The following LILRB1 variants were observed in gnomAD, a reference collection of about 807,000 sequenced individuals.
LILRB1 encodes the protein leukocyte immunoglobulin-like receptor subfamily B member 1.
LILRB1 carries 59 observed loss-of-function variants against 74.6 expected under a neutral mutation model. The ratio of observed to expected loss-of-function variants is 0.79; its 90% CI spans 0.64 to 0.98. LILRB1 has a LOEUF of 0.98. Among genes scored for constraint, LILRB1 ranks in the 50% least tolerant of loss-of-function variants. The pLI is 0.00. For missense variants in LILRB1, 804 were observed against 822.6 expected, an observed-to-expected ratio of 0.98 and a Z score of 0.28; for synonymous variants, 328 against 333.9, an observed-to-expected ratio of 0.98 and a Z score of 0.19.
chr19:54,632,964 G>A (rs374550771), intron 6 of LILRB1, 52 bp from the exon 7 acceptor site: 6 of 1,571,916 alleles, frequency 3.8e-6, no homozygotes, highest in Non-Finnish European at 4.3e-6. Flanking sequence ...CTGGGGAGGT[G>A]TCAGCTCAGA....
rs370415736 is a variant in LILRB1 at position 54,635,514 on chromosome 19, G to A, written c.1601-43G>A. 218 of 1,590,704 alleles carry A rather than the reference G, an allele frequency of 1.4e-4. No individual in the cohort carries two copies. The African/African-American group carries it at 2.5e-3, about 19-fold the overall frequency. The stretch of plus-strand genomic sequence containing the variant: ...GGGCTGGCAGGACTCAGAGGTCCCA[G>A]GGAACCTTCCCAAGAGACAAACCCC... On this transcript the variant is annotated intron_variant, in intron 12 of 14. Transcript: ENST00000324602.
chr19:54,623,514 A>G (rs188393817), intron 1 of LILRB1, among the ~76,000 whole-genome samples: 460 of 152,264 alleles, frequency 3.0e-3, no homozygotes, highest in Middle Eastern at 0.02. Context: ...TGTCAACTTT[A>G]TCATTTCTGA....
chr19:54,620,956 T>C lies in LILRB1; in HGVS notation c.-166+3607T>C, dbSNP rs1428304377. 2.0e-5 allele frequency among the ~76,000 whole-genome samples: 3 copies of C among 152,292 alleles called. No individual in the cohort carries two copies. In the East Asian group the frequency reaches 5.8e-4, roughly 29 times the overall value. On this transcript the variant is annotated intron_variant, in intron 1 of 15. Coordinates refer to the LILRB1 transcript ENST00000396331. ...GGTGCCATCTCTGCTCACTGCAACCTCCGGCTCCTGGGTTCAAGCGATTCT... is the reference window on the plus strand; with the variant it reads ...GGTGCCATCTCTGCTCACTGCAACCCCCGGCTCCTGGGTTCAAGCGATTCT...
chr19:54,631,415 C>G, intron 3 of LILRB1, 85 bp from the exon 4 acceptor site: 1 of 1,564,724 alleles, frequency 6.4e-7, no homozygotes, highest in Non-Finnish European at 8.8e-7. Flanking sequence ...CTGATGGGGG[C>G]GTCTGGAGGG....
upstream of LILRB1, among the ~76,000 whole-genome samples, chr19:54,625,623 C>G (rs1444637678): frequency 6.6e-6 from 1 of 152,172 alleles, no homozygotes; most frequent in Non-Finnish European, 1.5e-5. Context: ...CACCCCTTCC[C>G]CGTGTTAGGG....
upstream of LILRB1, among the ~76,000 whole-genome samples, chr19:54,628,706 G>A (rs1158012518): frequency 3.3e-5 from 5 of 151,988 alleles, no homozygotes; most frequent in Admixed American, 6.6e-5. Context: ...AGAAACCCAC[G>A]AAACCCAGTC....
chr19:54,634,204 C>G, intron 9 of LILRB1, 183 bp downstream of exon 9: 1 of 1,499,310 alleles, frequency 6.7e-7, no homozygotes, highest in Non-Finnish European at 8.9e-7. Context: ...TCAGCTCTGA[C>G]TCCCAGCTGT....
chr19:54,631,459 G>A, intron 3 of LILRB1, 41 bp from the exon 4 acceptor site: 4 of 1,598,682 alleles, frequency 2.5e-6, no homozygotes, highest in Non-Finnish European at 3.4e-6. Context: ...GCTGGGTTGG[G>A]TGGGAAATGA....
At position 54,633,689 on chromosome 19, in the gene LILRB1, G is replaced by C. The variant is rs1368641206; in HGVS notation, c.1312+1G>C. On this transcript the variant is annotated splice_donor_variant, in intron 8 of 14. Coordinates refer to ENST00000324602, the MANE Select transcript of LILRB1 (RefSeq NM_001081637.3). LOFTEE classifies it high-confidence loss of function. ...ACAACAGGCCCCACCTCCACATCTGGTGAGTCCCTGAGGCTTCTGAACTCA... is the reference window on the plus strand; with the variant it reads ...ACAACAGGCCCCACCTCCACATCTGCTGAGTCCCTGAGGCTTCTGAACTCA... 6.2e-7 allele frequency: 1 copy of C among 1,613,494 alleles called. No individual in the cohort carries two copies. The highest frequency in any genetic ancestry group is 8.5e-7 in the Non-Finnish European group (1 of 1,179,782).
intron 12 of LILRB1, 92 bp from the exon 13 acceptor site, chr19:54,635,465 T>C: frequency 6.5e-7 from 1 of 1,534,710 alleles, no homozygotes; most frequent in African/African-American, 1.4e-5. Flanking sequence ...TGCATCTCAG[T>C]GGCCCCATCT....
In LILRB1 at chr19:54,634,299, G is replaced by A. The variant is rs989411221; in HGVS notation, c.1363+278G>A. The A allele has an allele frequency of 2.9e-4, 440 of 1,538,794 alleles. 1 individual carries two copies. Among genetic ancestry groups the A allele is most frequent in the South Asian group, 6.0e-4 (50 of 83,702 alleles). ...GTCCCGTCCCACCTGCAGCAGAGAC[G>A]GTGACCTGGGGCAGGGGAGGGGAGA... On this transcript the variant is annotated intron_variant, in intron 9 of 14. Coordinates refer to ENST00000324602, the MANE Select transcript of LILRB1 (RefSeq NM_001081637.3).
rs2064526521 is a variant in LILRB1, at chr19:54,637,352, CCT to C, written c.*475_*476del. 1 of 159,364 alleles carries C rather than the reference CCT, an allele frequency of 6.3e-6. No homozygotes were observed. Among genetic ancestry groups the C allele is most frequent in the South Asian group, 1.8e-4 (1 of 5,560 alleles). 9.9% of individuals were successfully genotyped at this position (159,364 alleles called of 1,614,324 possible). A position where few individuals can be genotyped will look rare whatever the true frequency, so the allele number is the denominator to read the frequency against. On this transcript the variant is annotated 3_prime_UTR_variant, in exon 15 of 15. Transcript: ENST00000324602. ...ACCATCTTGGCCAACATGGTGAAAC[CCT>C]GTCTCTCCTAAAAATACAAAAATTA...
At position 54,631,658 on chromosome 19, in the gene LILRB1, C is replaced by A. The variant is rs750501464; in HGVS notation, c.229C>A (p.Leu77Ile). 3.7e-6 allele frequency: 6 copies of A among 1,614,272 alleles called. No individual in the cohort carries two copies. The highest frequency in any genetic ancestry group is 1.6e-4 in the Middle Eastern group (1 of 6,062). ...CTGGATTACACGGATCCCACAGGAGCTTGTGAAGAAGGGCCAGTTCCCCAT... is the reference window on the plus strand; with the variant it reads ...CTGGATTACACGGATCCCACAGGAGATTGTGAAGAAGGGCCAGTTCCCCAT... ...APWITRIPQE[L>I]VKKGQFPIPS... Residue 77 changes from leucine (L) to isoleucine (I), a missense_variant, in exon 4 of 15, where the codon CTT becomes ATT. Leu to Ile is a conservative substitution (Grantham distance 5, BLOSUM62 2). Coordinates refer to ENST00000324602, the MANE Select transcript of LILRB1 (RefSeq NM_001081637.3).
At chr19:54,618,745 T>TA (rs201383878) in intron 1 of LILRB1, among the ~76,000 whole-genome samples, 1 of 151,914 alleles carries the variant, frequency 6.6e-6, no homozygotes, top group African/African-American at 2.4e-5. Flanking sequence ...AGATATTGGT[T>TA]AAAAAAAATA....
chr19:54,635,990 G>A (rs1180171337), intron 13 of LILRB1: 1 of 561,208 alleles, frequency 1.8e-6, no homozygotes, highest in Admixed American at 2.2e-5. Context: ...GACACAGCAG[G>A]GAGGAAAGCC....
chr19:54,633,977 C>G lies in LILRB1; in HGVS notation c.1319C>G (p.Pro440Arg). 6.3e-7 allele frequency: 1 copy of G among 1,596,410 alleles called. No individual in the cohort carries two copies. The highest frequency in any genetic ancestry group is 8.5e-7 in the Non-Finnish European group (1 of 1,171,554). The change falls in exon 9 of 15, where the codon CCT becomes CGT. Residue 440 changes from proline (P) to arginine (R), a missense_variant. Physicochemically the swap from Pro to Arg is moderately radical, Grantham distance 103. Coordinates refer to ENST00000324602, the MANE Select transcript of LILRB1 (RefSeq NM_001081637.3). ...CCTCCCCGTCCTGACCCAGCAGGCC[C>G]TGAGGACCAGCCCCTCACCCCCACC... ...TTGPTSTSAGPEDQPLTPTGS... is the reference protein window; with the variant it reads ...TTGPTSTSAGREDQPLTPTGS...
intron 1 of LILRB1, among the ~76,000 whole-genome samples, chr19:54,621,170 G>A (rs1381406239): frequency 1.3e-5 from 2 of 152,156 alleles, no homozygotes; most frequent in East Asian, 3.8e-4. Flanking sequence ...CACCACACCT[G>A]ACCCAATTGT....
At chr19:54,633,740 G>A in intron 8 of LILRB1, 52 bp downstream of exon 8, 2 of 1,571,346 alleles carry the variant, frequency 1.3e-6, no homozygotes, top group Non-Finnish European at 1.7e-6. Flanking sequence ...CCCCAGGGCA[G>A]CCCTGGGTCT....
Position 54,633,524 on chromosome 19 carries a change from C to T in LILRB1, c.1262-114C>T, listed in dbSNP as rs977359215. On this transcript the variant is annotated intron_variant, in intron 7 of 14. Transcript: ENST00000324602. ...TCGCCAGCATCATGGACAGGAGAGG[C>T]GGGTGGAGGGAGGGGCCTGGGGAGG... is the stretch of plus-strand genomic sequence containing the variant. 2.0e-5 allele frequency: 24 copies of T among 1,217,060 alleles called. No individual in the cohort carries two copies. The African/African-American group carries it at 2.8e-4, about 14-fold the overall frequency. 75.4% of individuals were successfully genotyped at this position (1,217,060 alleles called of 1,614,324 possible). A position where few individuals can be genotyped will look rare whatever the true frequency, so the allele number is the denominator to read the frequency against.
Sources: allele counts gnomAD v4.1 joint callset (sites outside exome capture counted in the v4.1 genomes callset), GRCh38; gene constraint gnomAD v4.1.1; transcripts MANE v1.5; gene names NCBI Gene and HGNC (gene_info 2026-07-23, HGNC 2026-07-21).